EOGT: variants seen among roughly 807,000 people sequenced by gnomAD.
The protein encoded by EOGT is EGF domain-specific O-linked N-acetylglucosamine transferase.
EOGT carries 55 observed loss-of-function variants against 70.5 expected under a neutral mutation model. The ratio of observed to expected loss-of-function variants is 0.78; its 90% CI spans 0.63 to 0.98. The LOEUF (loss-of-function observed/expected upper bound fraction) is 0.98. EOGT is among the 50% of genes least tolerant of loss of function. The pLI is 0.00. For missense variants in EOGT, 703 were observed against 641.9 expected, an observed-to-expected ratio of 1.10 and a Z score of -1.03; for synonymous variants, 246 against 217.1, an observed-to-expected ratio of 1.13 and a Z score of -1.17.
intron 9 of EOGT, among the ~76,000 whole-genome samples, chr3:68,999,463 A>C (rs1007171332): frequency 5.3e-5 from 8 of 152,250 alleles, no homozygotes; most frequent in Non-Finnish European, 1.2e-4. Context: ...TAAAGGTAGG[A>C]AAATGCTGAG....
At chr3:68,982,697 G>T in intron 15 of EOGT, 114 bp downstream of exon 15, 1 of 604,176 alleles carries the variant, frequency 1.7e-6, no homozygotes. Flanking sequence ...GTGTCTACTT[G>T]TCCCTTCTGG....
chr3:68,996,796 T>C (rs1034959643), intron 10 of EOGT, among the ~76,000 whole-genome samples: 3 of 152,224 alleles, frequency 2.0e-5, no homozygotes, highest in Non-Finnish European at 4.4e-5. Context: ...CATATGAGTG[T>C]CGTGAGTCAG....
intron 7 of EOGT, among the ~76,000 whole-genome samples, 165 bp from the exon 8 acceptor site, chr3:69,004,647 A>G (rs1042835795): frequency 6.6e-6 from 1 of 152,202 alleles, no homozygotes; most frequent in African/African-American, 2.4e-5. Context: ...ACAGAATCCT[A>G]TCAGGACCCT....
chr3:69,009,533 C>G (rs561924160), intron 4 of EOGT, 104 bp downstream of exon 4: 5 of 839,268 alleles, frequency 6.0e-6, no homozygotes, highest in Admixed American at 2.4e-5. Flanking sequence ...CAGTGACAAC[C>G]GAAAATTAGA....
chr3:69,005,486 A>C (rs2091417151), intron 6 of EOGT, among the ~76,000 whole-genome samples: 1 of 152,136 alleles, frequency 6.6e-6, no homozygotes, highest in Admixed American at 6.5e-5. Context: ...TGTCACCTCA[A>C]ATTTTAAAGC....
At chr3:69,013,389 G>C (rs77294806) in intron 1 of EOGT, among the ~76,000 whole-genome samples, 185 bp downstream of exon 1, 2 of 151,942 alleles carry the variant, frequency 1.3e-5, no homozygotes, top group Non-Finnish European at 2.9e-5. Flanking sequence ...GGCCAGGATC[G>C]GCTTCCGACG....
At chr3:68,981,176 T>C (rs1277718496) in intron 15 of EOGT, among the ~76,000 whole-genome samples, 1 of 152,166 alleles carries the variant, frequency 6.6e-6, no homozygotes, top group Non-Finnish European at 1.5e-5. Context: ...CAAGTAAGCA[T>C]AAAAGTACAT....
intron 10 of EOGT, 119 bp from the exon 11 acceptor site, chr3:68,989,136 C>T (rs1284164053): frequency 1.9e-6 from 1 of 534,608 alleles, no homozygotes; most frequent in East Asian, 3.2e-5. Context: ...TACGCAAGTT[C>T]ATAAAATCCA....
At chr3:68,981,498 T>C (rs1411514415) in intron 15 of EOGT, among the ~76,000 whole-genome samples, 1 of 152,226 alleles carries the variant, frequency 6.6e-6, no homozygotes, top group African/African-American at 2.4e-5. Flanking sequence ...GCTGTGACTG[T>C]AGGTGGACAT....
At chr3:68,982,998 C>T (rs973300293) in intron 14 of EOGT, 126 bp from the exon 15 acceptor site, 4 of 546,262 alleles carry the variant, frequency 7.3e-6, no homozygotes, top group Non-Finnish European at 9.6e-6. Context: ...TTGGTAACAA[C>T]AACAACAAAT....
chr3:69,008,637 A>C lies in EOGT; in HGVS notation c.211-109T>G, dbSNP rs2091496310. The C allele has an allele frequency of 5.5e-6, 4 of 723,422 alleles. No individual in the cohort carries two copies. In the East Asian group the frequency reaches 1.1e-4, roughly 19 times the overall value. The allele number at this position is 723,422 out of a possible 1,614,324, so 44.8% of individuals were successfully genotyped here. ...TTATAGAGCATTCACATTTACATTT[A>C]TAATACGTATTCTTATAACAATAAA... On this transcript the variant is annotated intron_variant, in intron 4 of 17. Transcript: ENST00000383701.
At chr3:68,988,403 A>C (rs954592567) in intron 12 of EOGT, 22 bp from the exon 13 acceptor site, 3 of 1,517,568 alleles carry the variant, frequency 2.0e-6, no homozygotes, top group Admixed American at 3.9e-5. Context: ...ACACTGGTTC[A>C]TATTACAATG....
chr3:69,009,589 C>A, intron 4 of EOGT, 48 bp downstream of exon 4: 1 of 1,480,632 alleles, frequency 6.8e-7, no homozygotes, highest in Non-Finnish European at 9.4e-7. Context: ...TGTAAGCCAG[C>A]TGAAATTGCA....
chr3:69,001,684 GAGCTGAGTATAGCTTTGT>G lies in EOGT; in HGVS notation c.633_650del (p.Gln212_Leu217del). On this transcript the variant is annotated inframe_deletion, in exon 9 of 18. Transcript: ENST00000383701. The stretch of plus-strand genomic sequence containing the variant: ...TAGCATCTTCTATAGGTCTGAAGTT[GAGCTGAGTATAGCTTTGT>G]AGCTCAGCAAACCTGAAATTATGAA... 6.2e-7 allele frequency: 1 copy of G among 1,611,570 alleles called. No homozygotes were observed. The highest frequency in any genetic ancestry group is 8.5e-7 in the Non-Finnish European group (1 of 1,179,204).
At chr3:68,991,051 A>G (rs929375648) in intron 10 of EOGT, among the ~76,000 whole-genome samples, 3 of 152,216 alleles carry the variant, frequency 2.0e-5, no homozygotes, top group African/African-American at 7.2e-5. Flanking sequence ...TGGTTTCCTG[A>G]GATAAAATAC....
At chr3:68,978,693 G>A (rs563359286) in intron 16 of EOGT, among the ~76,000 whole-genome samples, 102 of 152,266 alleles carry the variant, frequency 6.7e-4, no homozygotes, top group Admixed American at 1.8e-3. Context: ...GCTGCCTATG[G>A]ACTTGGCATG....
chr3:68,979,786 C>A lies in EOGT; in HGVS notation c.1216G>T (p.Glu406Ter), dbSNP rs767466144. 25 of 1,612,970 alleles carry A rather than the reference C, an allele frequency of 1.5e-5. No homozygotes were observed. Among genetic ancestry groups the A allele is most frequent in the Non-Finnish European group, 2.1e-5 (25 of 1,179,248 alleles). ...EVQIVDYKYR[E>*]LGFLDQLRIT... ...CTTAGTTGATCTAAAAACCCAAGTT[C>A]TCTGTGAACATACAGAATAACATGA... The change falls in exon 16 of 18, where the codon GAA becomes TAA. Residue 406 changes from glutamate to a stop codon, truncating the protein, a stop_gained and splice_region_variant. Coordinates refer to ENST00000383701, the MANE Select transcript of EOGT (RefSeq NM_001278689.2). LOFTEE classifies it high-confidence loss of function.
Position 68,975,532 on chromosome 3 carries a change from G to GA in EOGT, c.*2085dup, listed in dbSNP as rs1273109038. On this transcript the variant is annotated 3_prime_UTR_variant, in exon 18 of 18. Coordinates refer to ENST00000383701, the MANE Select transcript of EOGT (RefSeq NM_001278689.2). ...AAAATGAGGTAAGAAGACAAACGGT[G>GA]AAACTTTTTTCAGATCATTTTTTCA... The GA allele has an allele frequency of 7.1e-6, 1 of 140,378 alleles. No individual in the cohort carries two copies. Among genetic ancestry groups the GA allele is most frequent in the Non-Finnish European group, 1.5e-5 (1 of 65,760 alleles). The allele number at this position is 140,378 out of a possible 1,614,324, so 8.7% of individuals were successfully genotyped here.
chr3:68,982,165 T>G (rs1174003318), intron 15 of EOGT, among the ~76,000 whole-genome samples: 1 of 152,150 alleles, frequency 6.6e-6, no homozygotes, highest in Non-Finnish European at 1.5e-5. Flanking sequence ...CATCTCAGTC[T>G]CCCAAAGTGC....
Sources: allele counts gnomAD v4.1 joint callset (sites outside exome capture counted in the v4.1 genomes callset), GRCh38; gene constraint gnomAD v4.1.1; transcripts MANE v1.5; gene names NCBI Gene and HGNC (gene_info 2026-07-23, HGNC 2026-07-21).